The following TBC1D22B variants were observed in gnomAD, a reference collection of about 807,000 sequenced individuals.
The protein encoded by TBC1D22B is TBC1 domain family member 22B, also known as chromosome 6 open reading frame 197.
TBC1D22B carries 32 observed loss-of-function variants against 69.1 expected under a neutral mutation model. The ratio of observed to expected loss-of-function variants is 0.46; its 90% CI spans 0.35 to 0.62. The LOEUF is 0.62. TBC1D22B is among the 20% of genes least tolerant of loss of function. The probability of loss-of-function intolerance (pLI) is 0.00; values close to 1 mark genes in which losing one functional copy is unlikely to be tolerated. For synonymous variants in TBC1D22B, 206 were observed against 229.8 expected (o/e 0.90, Z 0.94); for missense variants, 462 against 630.9 (o/e 0.73, Z 2.87).
At chr6:37,310,144 ATC>A (rs1767858226) in intron 8 of TBC1D22B, among the ~76,000 whole-genome samples, 1 of 147,086 alleles carries the variant, frequency 6.8e-6, no homozygotes, top group Admixed American at 6.8e-5. Flanking sequence ...ATGTAAGTAT[ATC>A]TATATAGATA....
At chr6:37,264,473 C>G (rs1766209161) in intron 1 of TBC1D22B, among the ~76,000 whole-genome samples, 1 of 152,114 alleles carries the variant, frequency 6.6e-6, no homozygotes, top group African/African-American at 2.4e-5. Flanking sequence ...CCACCAAGCC[C>G]AGCTAATTTT....
chr6:37,307,638 G>T (rs149713), intron 8 of TBC1D22B, among the ~76,000 whole-genome samples: 29,441 of 152,150 alleles, frequency 0.19, 2,957 homozygotes, highest in Non-Finnish European at 0.21. Context: ...ACAGGCGTGA[G>T]CCACAGCGCC....
intron 4 of TBC1D22B, 114 bp downstream of exon 4, chr6:37,282,478 C>G: frequency 8.0e-7 from 1 of 1,253,622 alleles, no homozygotes; most frequent in South Asian, 1.6e-5. Flanking sequence ...CTTCTCCTGA[C>G]CTGGTGCCCA....
At chr6:37,330,518 G>T (rs1562072595) in intron 12 of TBC1D22B, among the ~76,000 whole-genome samples, 3 of 152,092 alleles carry the variant, frequency 2.0e-5, no homozygotes, top group South Asian at 2.1e-4. Flanking sequence ...TTACAGGCGT[G>T]AGCCACCGCG....
chr6:37,274,654 G>A (rs186306385), intron 2 of TBC1D22B, among the ~76,000 whole-genome samples: 234 of 152,298 alleles, frequency 1.5e-3, no homozygotes, highest in African/African-American at 5.3e-3. Context: ...ATCTGCAAAG[G>A]TGCTTTCTAA....
chr6:37,329,915 G>A (rs914027352), intron 12 of TBC1D22B, among the ~76,000 whole-genome samples: 1 of 152,184 alleles, frequency 6.6e-6, no homozygotes, highest in African/African-American at 2.4e-5. Flanking sequence ...GCAGTGATGT[G>A]CATTGGGCAG....
intron 8 of TBC1D22B, among the ~76,000 whole-genome samples, chr6:37,303,980 T>G (rs1275187688): frequency 6.6e-6 from 1 of 152,218 alleles, no homozygotes; most frequent in Admixed American, 6.5e-5. Flanking sequence ...ATATCCCCAG[T>G]ACCTTCATTT....
At chr6:37,259,249 A>T (rs1306631047) in intron 1 of TBC1D22B, among the ~76,000 whole-genome samples, 2 of 152,208 alleles carry the variant, frequency 1.3e-5, no homozygotes, top group Non-Finnish European at 2.9e-5. Flanking sequence ...AATAGAAAGG[A>T]ATGCAAAGAT....
At chr6:37,328,809 C>T (rs955473092) in intron 12 of TBC1D22B, among the ~76,000 whole-genome samples, 4 of 152,022 alleles carry the variant, frequency 2.6e-5, no homozygotes, top group African/African-American at 9.7e-5. Context: ...TCACTGCAAC[C>T]TCCGCCTCCC....
In TBC1D22B at chr6:37,313,865, T is replaced by TG; in HGVS notation, c.1141dup (p.Glu381GlyfsTer8). The TG allele has an allele frequency of 6.2e-7, 1 of 1,614,180 alleles. No homozygotes were observed. Among genetic ancestry groups the TG allele is most frequent in the Non-Finnish European group, 8.5e-7 (1 of 1,180,012 alleles). On this transcript the variant is annotated frameshift_variant, in exon 10 of 13. Coordinates refer to ENST00000373491, the MANE Select transcript of TBC1D22B (RefSeq NM_017772.4). LOFTEE classifies it high-confidence loss of function. ...GGAATCCAGAAGAAGGTGAAGGCACTGGAAGAGCTTGTCAGCCGGATTGAT... is the reference window on the plus strand; with the variant it reads ...GGAATCCAGAAGAAGGTGAAGGCACTGGGAAGAGCTTGTCAGCCGGATTGAT...
rs1282060004 is a variant in TBC1D22B, at chr6:37,312,996, G to A, written c.1061G>A (p.Cys354Tyr). Reference sequence around the variant, plus strand: ...AGCATTGAGGCTGACAGCTTTTGGTGCATGAGCAAGCTGCTGGATGGAATC... The same window carrying A: ...AGCATTGAGGCTGACAGCTTTTGGTACATGAGCAAGCTGCTGGATGGAATC... The part of the protein sequence containing the change: ...LRSIEADSFW[C>Y]MSKLLDGIQD... Residue 354 changes from cysteine (C) to tyrosine (Y), a missense_variant, in exon 9 of 13, where the codon TGC (cysteine) becomes TAC (tyrosine). Physicochemically the swap from Cys to Tyr is radical, Grantham distance 194. Around this residue, in one of 2 missense-constraint regions of TBC1D22B, gnomAD observed 225 missense variants for 375.4 expected, o/e 0.60. Transcript: ENST00000373491. The A allele has an allele frequency of 6.2e-7, 1 of 1,614,186 alleles. No homozygotes were observed. The highest frequency in any genetic ancestry group is 1.3e-5 in the African/African-American group (1 of 75,060).
rs571224258 is a variant in TBC1D22B, at chr6:37,327,301, A to G, written c.1390-3743A>G. Among the ~76,000 whole-genome samples the G allele has an allele frequency of 1.1e-4, 13 of 120,892 alleles. 1 individual carries two copies. Among genetic ancestry groups the G allele is most frequent in the Non-Finnish European group, 2.0e-4 (12 of 59,636 alleles). 79.3% of individuals were successfully genotyped at this position (120,892 alleles called of 152,430 possible). A position where few individuals can be genotyped will look rare whatever the true frequency, so the allele number is the denominator to read the frequency against. On this transcript the variant is annotated intron_variant, in intron 12 of 12. Transcript: ENST00000373491. Reference sequence around the variant, plus strand: ...AGACCATCCTGGCTAACACGGTGAAACCCCGTCTCTACTAAAAATGCAAAA... The same window carrying G: ...AGACCATCCTGGCTAACACGGTGAAGCCCCGTCTCTACTAAAAATGCAAAA...
intron 1 of TBC1D22B, among the ~76,000 whole-genome samples, chr6:37,268,661 CCTCCA>C (rs1447318587): frequency 3.9e-5 from 6 of 152,202 alleles, no homozygotes; most frequent in Non-Finnish European, 5.9e-5. Context: ...TCCTTTCTTT[CCTCCA>C]GAGAGAACTA....
chr6:37,301,680 CA>C (rs1767576978), intron 8 of TBC1D22B, among the ~76,000 whole-genome samples: 1 of 152,202 alleles, frequency 6.6e-6, no homozygotes, highest in South Asian at 2.1e-4. Context: ...GACTTCTCCC[CA>C]CCCTCACACC....
intron 9 of TBC1D22B, 25 bp from the exon 10 acceptor site, chr6:37,313,791 A>C: frequency 6.2e-7 from 1 of 1,612,078 alleles, no homozygotes; most frequent in Non-Finnish European, 8.5e-7. Context: ...GTCCATGTTC[A>C]TCCTGGGCTC....
intron 3 of TBC1D22B, 98 bp downstream of exon 3, chr6:37,279,709 T>C: frequency 7.8e-7 from 1 of 1,276,988 alleles, no homozygotes; most frequent in Non-Finnish European, 1.1e-6. Flanking sequence ...AGGTAGATAT[T>C]CAACTGGGCG....
chr6:37,315,000 C>G (rs1272220565), intron 10 of TBC1D22B, among the ~76,000 whole-genome samples: 2 of 152,086 alleles, frequency 1.3e-5, no homozygotes, highest in Non-Finnish European at 2.9e-5. Flanking sequence ...ACGTTTGGGC[C>G]CCTTGTGCAG....
intron 11 of TBC1D22B, 88 bp downstream of exon 11, chr6:37,316,918 G>T: frequency 1.3e-6 from 2 of 1,591,526 alleles, no homozygotes; most frequent in Non-Finnish European, 1.7e-6. Context: ...CTGCTTAGAA[G>T]CTTCCCCTTC....
At chr6:37,322,836 C>T (rs1012084036) in intron 12 of TBC1D22B, among the ~76,000 whole-genome samples, 9 of 152,142 alleles carry the variant, frequency 5.9e-5, no homozygotes, top group African/African-American at 1.7e-4. Context: ...GGGGTTACAA[C>T]GGGGAGCAGG....
Sources: gnomAD v4.1 joint callset for allele counts (sites outside exome capture counted in the v4.1 genomes callset) on GRCh38, gnomAD v4.1.1 for gene constraint, gnomAD v4.1.1 regional missense constraint, MANE v1.5 for transcripts, NCBI Gene and HGNC (gene_info 2026-07-23, HGNC 2026-07-21) for gene names.